FUT9: variants seen among roughly 807,000 people sequenced by gnomAD.
FUT9 encodes fucosyltransferase 9, also known as 4-galactosyl-N-acetylglucosaminide 3-alpha-L-fucosyltransferase 9.
FUT9 carries 15 observed loss-of-function variants against 29.7 expected under a neutral mutation model. The ratio of observed to expected loss-of-function variants is 0.51; its 90% CI spans 0.34 to 0.78. The LOEUF (loss-of-function observed/expected upper bound fraction) is 0.78, where lower values mean the gene tolerates loss of function less well. Ranked by LOEUF, FUT9 falls within the 30% of genes least tolerant of loss-of-function variation. The pLI is 0.01. For missense variants in FUT9, 319 were observed against 425.4 expected, an observed-to-expected ratio of 0.75 and a Z score of 2.20; for synonymous variants, 169 against 153.7, an observed-to-expected ratio of 1.10 and a Z score of -0.74.
chr6:96,079,815 T>C (rs1257367630), intron 1 of FUT9, among the ~76,000 whole-genome samples: 2 of 152,108 alleles, frequency 1.3e-5, no homozygotes, highest in African/African-American at 2.4e-5. Flanking sequence ...TCAAAGTCCA[T>C]TGGCAGGACA....
In FUT9 at chr6:96,048,272, T is replaced by C. The variant is rs116830841; in HGVS notation, c.-98+32060T>C. On this transcript the variant is annotated intron_variant, in intron 1 of 2. Coordinates refer to ENST00000302103, the MANE Select transcript of FUT9 (RefSeq NM_006581.4). ...CTCTTTAGCCATATAAGGTAACATA[T>C]TCACAGCTTTCAGGGATTCCCACCC... Among the ~76,000 whole-genome samples the C allele has an allele frequency of 5.9e-3, 902 of 152,284 alleles. 11 individuals are homozygous for C. The highest frequency in any genetic ancestry group is 0.021 in the African/African-American group (861 of 41,558).
intron 2 of FUT9, among the ~76,000 whole-genome samples, chr6:96,194,240 G>T (rs1026685196): frequency 2.6e-5 from 4 of 152,024 alleles, no homozygotes; most frequent in African/African-American, 7.2e-5. Flanking sequence ...AGAACTACTT[G>T]GAGGGCTCGC....
At chr6:96,147,013 A>G (rs1484049871) in intron 2 of FUT9, among the ~76,000 whole-genome samples, 1 of 152,224 alleles carries the variant, frequency 6.6e-6, no homozygotes, top group Non-Finnish European at 1.5e-5. Flanking sequence ...TTAAATAGAA[A>G]GCAAAGATTT....
At chr6:96,168,348 C>CT (rs1397904852) in intron 2 of FUT9, among the ~76,000 whole-genome samples, 2 of 152,090 alleles carry the variant, frequency 1.3e-5, no homozygotes, top group Non-Finnish European at 2.9e-5. Flanking sequence ...GAACCAGGTA[C>CT]TAAGGTCTGG....
chr6:96,119,084 C>A (rs1771970522), intron 2 of FUT9, among the ~76,000 whole-genome samples: 1 of 151,768 alleles, frequency 6.6e-6, no homozygotes, highest in Non-Finnish European at 1.5e-5. Context: ...ACAGAAAAAC[C>A]TTTTTATAGG....
chr6:96,141,501 G>A (rs1308127379), intron 2 of FUT9, among the ~76,000 whole-genome samples: 2 of 152,164 alleles, frequency 1.3e-5, no homozygotes, highest in Non-Finnish European at 2.9e-5. Flanking sequence ...GGAAATTAAA[G>A]CAAGAAAGTG....
chr6:96,046,214 C>T (rs1770560889), intron 1 of FUT9, among the ~76,000 whole-genome samples: 1 of 84,146 alleles, frequency 1.2e-5, no homozygotes. Context: ...ACCCAGTACA[C>T]AGATATGCAC....
At chr6:96,126,364 A>G (rs113788294) in intron 2 of FUT9, among the ~76,000 whole-genome samples, 1 of 152,264 alleles carries the variant, frequency 6.6e-6, no homozygotes, top group South Asian at 2.1e-4. Context: ...TTAAACAACC[A>G]GCTCTAGAGC....
At chr6:96,120,311 C>T (rs1582245812) in intron 2 of FUT9, among the ~76,000 whole-genome samples, 1 of 137,912 alleles carries the variant, frequency 7.3e-6, no homozygotes, top group East Asian at 2.2e-4. Flanking sequence ...CTCTGTGTTG[C>T]CCAGACTGGA....
At chr6:96,085,047 T>C (rs1771292880) in intron 1 of FUT9, among the ~76,000 whole-genome samples, 2 of 152,178 alleles carry the variant, frequency 1.3e-5, no homozygotes, top group African/African-American at 2.4e-5. Flanking sequence ...AAAGGACTTA[T>C]CAGGCTCCAC....
At chr6:96,129,576 A>G (rs1361596237) in intron 2 of FUT9, among the ~76,000 whole-genome samples, 1 of 152,058 alleles carries the variant, frequency 6.6e-6, no homozygotes, top group South Asian at 2.1e-4. Flanking sequence ...GTATAAATAT[A>G]TCTAAATATA....
At chr6:96,154,732 A>G (rs966679067) in intron 2 of FUT9, among the ~76,000 whole-genome samples, 3 of 152,228 alleles carry the variant, frequency 2.0e-5, no homozygotes, top group Non-Finnish European at 2.9e-5. Context: ...TTATAAAAAG[A>G]ATGTCTTAGA....
chr6:96,203,485 C>T lies in FUT9; in HGVS notation c.330C>T (p.His110=), dbSNP rs1445080635. Reference sequence around the variant, plus strand: ...AATCCCATGCAGTTCTGATCCATCACCGAGACATCAGTTGGGATCTGACAA... The same window carrying T: ...AATCCCATGCAGTTCTGATCCATCATCGAGACATCAGTTGGGATCTGACAA... ...YNKSHAVLIH[H]RDISWDLTNL... Residue 110 remains histidine, a synonymous_variant, in exon 3 of 3, where the codon CAC becomes CAT. Coordinates refer to ENST00000302103, the MANE Select transcript of FUT9 (RefSeq NM_006581.4). The T allele has an allele frequency of 6.2e-7, 1 of 1,610,720 alleles. No homozygotes were observed. Among genetic ancestry groups the T allele is most frequent in the Non-Finnish European group, 8.5e-7 (1 of 1,178,228 alleles).
chr6:96,187,968 ATCCTTGATGT>A (rs1482737013), intron 2 of FUT9, among the ~76,000 whole-genome samples: 3 of 152,188 alleles, frequency 2.0e-5, no homozygotes, highest in Non-Finnish European at 4.4e-5. Context: ...TGCATCATTA[ATCCTTGATGT>A]TCCTTGAATT....
At chr6:96,057,344 C>T (rs1770789773) in intron 1 of FUT9, among the ~76,000 whole-genome samples, 1 of 152,032 alleles carries the variant, frequency 6.6e-6, no homozygotes, top group African/African-American at 2.4e-5. Context: ...TTATATCTAA[C>T]ATTAGGAAGT....
chr6:96,176,890 T>G (rs1177199992), intron 2 of FUT9, among the ~76,000 whole-genome samples: 2 of 152,306 alleles, frequency 1.3e-5, no homozygotes, highest in South Asian at 2.1e-4. Context: ...CCGCTTAGTC[T>G]TAGGCTCTGC....
chr6:96,178,485 G>C (rs182396681), intron 2 of FUT9, among the ~76,000 whole-genome samples: 1 of 152,102 alleles, frequency 6.6e-6, no homozygotes, highest in East Asian at 1.9e-4. Context: ...AAGGCTATAA[G>C]ACTAGATGTT....
In FUT9 at chr6:96,040,258, C is replaced by T. The variant is rs949070887; in HGVS notation, c.-98+24046C>T. On this transcript the variant is annotated intron_variant, in intron 1 of 2. Transcript: ENST00000302103. ...ACCATTTAGAAGAACAAAACACATT[C>T]TATTTGAGGCACTGAAAATTTCAAC... Among the ~76,000 whole-genome samples, 6 of 152,080 alleles carry T rather than the reference C, an allele frequency of 3.9e-5. 1 individual carries two copies. The South Asian group carries it at 1.0e-3, about 26-fold the overall frequency.
Position 96,128,305 on chromosome 6 carries a change from G to A in FUT9, c.-9+14178G>A, listed in dbSNP as rs141478660. 3.1e-3 allele frequency among the ~76,000 whole-genome samples: 474 copies of A among 152,116 alleles called. 1 individual carries two copies. The highest frequency in any genetic ancestry group is 0.011 in the African/African-American group (445 of 41,508). ...TGTTCACAAATTAATTATCCAAAAT[G>A]CCATAATAAAAGAGGCAAATAAAGT... On this transcript the variant is annotated intron_variant, in intron 2 of 2. Transcript: ENST00000302103.
Sources: gnomAD v4.1 joint callset for allele counts (sites outside exome capture counted in the v4.1 genomes callset) on GRCh38, gnomAD v4.1.1 for gene constraint, MANE v1.5 for transcripts, NCBI Gene and HGNC (gene_info 2026-07-23, HGNC 2026-07-21) for gene names.